PDK2: variants seen among roughly 807,000 people sequenced by gnomAD.
The protein encoded by PDK2 is pyruvate dehydrogenase kinase 2.
Under a neutral mutation model 50.4 loss-of-function variants are expected in PDK2, and 34 were observed. That is an observed-to-expected ratio of 0.68 (90% CI 0.51 to 0.90). The LOEUF is 0.90. Ranked by LOEUF, PDK2 falls within the 40% of genes least tolerant of loss-of-function variation. The pLI, the probability that PDK2 is intolerant of heterozygous loss-of-function variation, is 0.00. For synonymous variants in PDK2, 232 were observed against 216.0 expected (o/e 1.07, Z -0.65); for missense variants, 377 against 544.5 (o/e 0.69, Z 3.06).
chr17:50,097,645 T>TA, intron 2 of PDK2, 81 bp downstream of exon 2: 2 of 1,546,856 alleles, frequency 1.3e-6, no homozygotes, highest in South Asian at 2.3e-5. Flanking sequence ...TCCAAGCTTT[T>TA]AGCAGCTTTG....
intron 4 of PDK2, chr17:50,106,413 A>T (rs78064209): frequency 2.2e-6 from 1 of 449,328 alleles, no homozygotes; most frequent in Admixed American, 4.0e-5. Flanking sequence ...ATTCACTATG[A>T]TTTTTGAGAA....
In PDK2 at chr17:50,111,422, C is replaced by T. The variant is rs117609405; in HGVS notation, c.*1325C>T. On this transcript the variant is annotated 3_prime_UTR_variant, in exon 11 of 11. Transcript: ENST00000503176. ...CTGATGGCTTTAAGGATGTGGGTGC[C>T]TTCCAACCTCCCATGGCCCTGCCAC... 1 of 152,388 alleles carries T rather than the reference C, an allele frequency of 6.6e-6. No homozygotes were observed. The highest frequency in any genetic ancestry group is 1.9e-4 in the East Asian group (1 of 5,192). 9.4% of individuals were successfully genotyped at this position (152,388 alleles called of 1,614,324 possible).
In PDK2 at chr17:50,110,037, C is replaced by A; in HGVS notation, c.1164C>A (p.Ala388=). ...AWRHYQTIQE[A]GDWCVPSTEP... ...GCCACTACCAGACCATCCAGGAGGC[C>A]GGCGACTGGTGTGTGCCCAGCACGG... The change falls in exon 11 of 11, where the codon GCC becomes GCA. Residue 388 remains alanine (A), a synonymous_variant. Coordinates refer to ENST00000503176, the MANE Select transcript of PDK2 (RefSeq NM_002611.5). 1 of 1,610,440 alleles carries A rather than the reference C, an allele frequency of 6.2e-7. No homozygotes were observed. Among genetic ancestry groups the A allele is most frequent in the Admixed American group, 1.7e-5 (1 of 59,698 alleles).
chr17:50,102,557 GTCTCCTCCCCCTCC>G (rs1910291072), intron 2 of PDK2, among the ~76,000 whole-genome samples: 1 of 152,006 alleles, frequency 6.6e-6, no homozygotes. Context: ...TCTGCAGTGG[GTCTCCTCCCCCTCC>G]TCTCCCCACC....
chr17:50,095,208 G>A (rs1909864367), upstream of PDK2: 1 of 494,732 alleles, frequency 2.0e-6, no homozygotes, highest in East Asian at 3.5e-5. Context: ...TAAGGGGGCG[G>A]GCCCGGGGGA....
At position 50,109,966 on chromosome 17, in the gene PDK2, A is replaced by G. The variant is rs199515482; in HGVS notation, c.1093A>G (p.Thr365Ala). ...CCCTGACACTCCCCAGGCCCTGTCCACGGACTCGGTGGAGCGCCTGCCTGT... is the reference window on the plus strand; with the variant it reads ...CCCTGACACTCCCCAGGCCCTGTCCGCGGACTCGGTGGAGCGCCTGCCTGT... ...DAVIYLKALS[T>A]DSVERLPVYN... is the part of the protein sequence containing the mutation. The change falls in exon 11 of 11, where the codon ACG becomes GCG. Residue 365 changes from threonine to alanine, a missense_variant. Physicochemically the swap from Thr to Ala is moderately conservative, Grantham distance 58. Around this residue, in one of 3 missense-constraint regions of PDK2, gnomAD observed 214 missense variants for 294.0 expected, o/e 0.73. Transcript: ENST00000503176. This position sits in a 1 kb window ranked among gnomAD's most constrained non-coding sequence, Gnocchi z 5.0. 3 of 1,568,420 alleles carry G rather than the reference A, an allele frequency of 1.9e-6. No individual in the cohort carries two copies. Among genetic ancestry groups the G allele is most frequent in the African/African-American group, 1.4e-5 (1 of 74,030 alleles).
Position 50,109,488 on chromosome 17 carries a change from C to T in PDK2, c.1083+88C>T. On this transcript the variant is annotated intron_variant, in intron 10 of 10. Coordinates refer to ENST00000503176, the MANE Select transcript of PDK2 (RefSeq NM_002611.5). This position sits in a 1 kb window ranked among gnomAD's most constrained non-coding sequence, Gnocchi z 5.0. ...TTGGCCAGCTGCGAGCTTTCCTTTC[C>T]ATCCCCCCAGTCCTTCCCTGGCCCC... 2 of 739,588 alleles carry T rather than the reference C, an allele frequency of 2.7e-6. No individual in the cohort carries two copies. The highest frequency in any genetic ancestry group is 4.4e-6 in the Non-Finnish European group (2 of 455,400). 45.8% of individuals were successfully genotyped at this position (739,588 alleles called of 1,614,324 possible). A position where few individuals can be genotyped will look rare whatever the true frequency, so the allele number is the denominator to read the frequency against.
Position 50,108,139 on chromosome 17 carries a change from C to T in PDK2, c.686-17C>T. ...TCCTGACGGTTTCCTGACCCTTGGTCTTGACTTGCCCTGTAGCAGCCAACT... is the reference window on the plus strand; with the variant it reads ...TCCTGACGGTTTCCTGACCCTTGGTTTTGACTTGCCCTGTAGCAGCCAACT... On this transcript the variant is annotated splice_polypyrimidine_tract_variant and intron_variant, in intron 6 of 10. Coordinates refer to ENST00000503176, the MANE Select transcript of PDK2 (RefSeq NM_002611.5). The T allele has an allele frequency of 1.3e-6, 2 of 1,578,970 alleles. No homozygotes were observed. The highest frequency in any genetic ancestry group is 1.7e-6 in the Non-Finnish European group (2 of 1,160,108).
intron 2 of PDK2, among the ~76,000 whole-genome samples, chr17:50,103,963 T>C (rs1233502839): frequency 6.6e-6 from 1 of 152,104 alleles, no homozygotes; most frequent in Non-Finnish European, 1.5e-5. Context: ...TGGGAATGAG[T>C]CCTCGTGTGG....
chr17:50,095,776 G>A (rs1909904534), intron 1 of PDK2: 5 of 1,382,632 alleles, frequency 3.6e-6, no homozygotes, highest in Non-Finnish European at 4.7e-6. Flanking sequence ...ACGGTCCCGA[G>A]GTTTCTTCGT....
rs114438221 is a variant in PDK2, at chr17:50,101,452, C to G, written c.260+3888C>G. Reference sequence around the variant, plus strand: ...CAGCGGAACCCAAACCTGCCTGGCTCAGAGGCTCCGGAGGCGGGACACCGC... The same window carrying G: ...CAGCGGAACCCAAACCTGCCTGGCTGAGAGGCTCCGGAGGCGGGACACCGC... On this transcript the variant is annotated intron_variant, in intron 2 of 10. Transcript: ENST00000503176. This position sits in a 1 kb window ranked among gnomAD's most constrained non-coding sequence, Gnocchi z 4.2. Among the ~76,000 whole-genome samples, 978 of 152,286 alleles carry G rather than the reference C, an allele frequency of 6.4e-3. 8 individuals are homozygous for G. The highest frequency in any genetic ancestry group is 0.022 in the African/African-American group (928 of 41,544).
At chr17:50,095,204 G>A (rs928942136), upstream of PDK2, 34 of 484,790 alleles carry the variant, frequency 7.0e-5, 1 homozygote, top group East Asian at 5.7e-4. Context: ...GGGTTAAGGG[G>A]GCGGGCCCGG....
chr17:50,095,291 C>T (rs891811075), upstream of PDK2: 70 of 580,342 alleles, frequency 1.2e-4, no homozygotes, highest in Admixed American at 5.9e-4. Context: ...GACGTCGAGG[C>T]GCCATGACGA....
chr17:50,108,465 T>C (rs1295674339), intron 8 of PDK2, 48 bp downstream of exon 8: 5 of 1,489,326 alleles, frequency 3.4e-6, no homozygotes, highest in Non-Finnish European at 4.7e-6. Context: ...AGTGGGGGCT[T>C]CCCTCCTGCC....
chr17:50,108,736 C>G lies in PDK2; in HGVS notation c.969+17C>G. ...ACGCCGCTGGTGAGATGGCTTCACC[C>G]CAGCCCCTCCCACCTCCTGAGGGAG... On this transcript the variant is annotated intron_variant, in intron 9 of 10. Transcript: ENST00000503176. 6.8e-7 allele frequency: 1 copy of G among 1,465,848 alleles called. No individual in the cohort carries two copies. Among genetic ancestry groups the G allele is most frequent in the Non-Finnish European group, 9.4e-7 (1 of 1,058,552 alleles). The allele number at this position is 1,465,848 out of a possible 1,614,324, so 90.8% of individuals were successfully genotyped here. A position where few individuals can be genotyped will look rare whatever the true frequency, so the allele number is the denominator to read the frequency against.
intron 1 of PDK2, 147 bp from the exon 2 acceptor site, chr17:50,097,276 A>G: frequency 1.4e-6 from 1 of 725,066 alleles, no homozygotes; most frequent in South Asian, 1.7e-5. Flanking sequence ...TGAGCCCTGC[A>G]GGGGATGGGG....
At position 50,095,477 on chromosome 17, in the gene PDK2, A is replaced by G. The variant is rs1384232579; in HGVS notation, c.42A>G (p.Ala14=). ...CGCTGCTGAAGAATGCGTCCCTGGC[A>G]GGGGCGCCCAAGTACATAGAGCACT... The part of the protein sequence containing the change: ...VWALLKNASL[A]GAPKYIEHFS... The change falls in exon 1 of 11, where the codon GCA becomes GCG. Residue 14 remains alanine, a synonymous_variant. Coordinates refer to ENST00000503176, the MANE Select transcript of PDK2 (RefSeq NM_002611.5). 5.9e-5 allele frequency: 95 copies of G among 1,605,824 alleles called. No homozygotes were observed. The highest frequency in any genetic ancestry group is 8.0e-5 in the Non-Finnish European group (94 of 1,176,596).
Position 50,105,924 on chromosome 17 carries a change from C to T in PDK2, c.372C>T (p.Asn124=), listed in dbSNP as rs771016641. 35 of 1,613,486 alleles carry T rather than the reference C, an allele frequency of 2.2e-5. No homozygotes were observed. Among genetic ancestry groups the T allele is most frequent in the South Asian group, 1.1e-4 (10 of 90,904 alleles). The change falls in exon 4 of 11, where the codon AAC becomes AAT. Residue 124 remains asparagine (N), a synonymous_variant. Transcript: ENST00000503176. ...DALVTIRNRH[N]DVVPTMAQGV... ...TGGTCACCATCCGGAACCGGCACAACGACGTGGTGCCCACCATGGCACAAG... is the reference window on the plus strand; with the variant it reads ...TGGTCACCATCCGGAACCGGCACAATGACGTGGTGCCCACCATGGCACAAG...
intron 1 of PDK2, among the ~76,000 whole-genome samples, chr17:50,096,808 G>A (rs531216236): frequency 1.4e-4 from 22 of 152,316 alleles, no homozygotes; most frequent in African/African-American, 4.8e-4. Flanking sequence ...CAGGGCCCCT[G>A]ACCCTGGGCC....
Sources: gnomAD v4.1 joint callset for allele counts (sites outside exome capture counted in the v4.1 genomes callset) on GRCh38, gnomAD v4.1.1 for gene constraint, gnomAD v4.1.1 regional missense constraint, Gnocchi (gnomAD v3.1) non-coding constraint, MANE v1.5 for transcripts, NCBI Gene and HGNC (gene_info 2026-07-23, HGNC 2026-07-21) for gene names.